GPC6: variants seen among roughly 807,000 people sequenced by gnomAD.
GPC6 encodes glypican-6.
In GPC6, 14 loss-of-function variants were observed where a neutral mutation model predicts 55.2. The ratio of observed to expected loss-of-function variants is 0.25; its 90% CI spans 0.17 to 0.40. The LOEUF is 0.40. Ranked by LOEUF, GPC6 falls within the 10% of genes least tolerant of loss-of-function variation. The pLI, the probability that GPC6 is intolerant of heterozygous loss-of-function variation, is 1.00. For synonymous variants in GPC6, 278 were observed against 259.6 expected (o/e 1.07, Z -0.68); for missense variants, 641 against 708.5 (o/e 0.90, Z 1.08).
At chr13:94,264,995 T>G (rs1303059300) in intron 4 of GPC6, among the ~76,000 whole-genome samples, 11 of 152,234 alleles carry the variant, frequency 7.2e-5, no homozygotes, top group Non-Finnish European at 1.5e-4. Context: ...CTCCCATGTT[T>G]CAGTTATCTC....
chr13:93,977,561 T>G (rs1423880180), intron 3 of GPC6, among the ~76,000 whole-genome samples: 1 of 151,780 alleles, frequency 6.6e-6, no homozygotes, highest in African/African-American at 2.4e-5. Context: ...GTGCTGATTT[T>G]TTTCCTTTTG....
chr13:93,246,796 A>G (rs1278245670), intron 1 of GPC6, among the ~76,000 whole-genome samples: 76 of 129,722 alleles, frequency 5.9e-4, no homozygotes, highest in Non-Finnish European at 1.0e-3. Flanking sequence ...TCTCAAAAAA[A>G]AAAAAAAAAA....
intron 1 of GPC6, among the ~76,000 whole-genome samples, chr13:93,237,144 A>G (rs1363415707): frequency 2.0e-5 from 3 of 152,176 alleles, no homozygotes; most frequent in Non-Finnish European, 4.4e-5. Context: ...AGAAATTTCC[A>G]TGCTGTTTTC....
At chr13:93,395,738 G>C (rs1020833831) in intron 1 of GPC6, 1 of 153,268 alleles carries the variant, frequency 6.5e-6, no homozygotes, top group Non-Finnish European at 1.5e-5. Context: ...GTTCCCCATT[G>C]CTCCTGAATG....
At chr13:94,093,611 G>A (rs1047257518) in intron 4 of GPC6, among the ~76,000 whole-genome samples, 1 of 151,934 alleles carries the variant, frequency 6.6e-6, no homozygotes, top group Admixed American at 6.6e-5. Flanking sequence ...ATAAATTTTA[G>A]GATTGTCTTT....
intron 2 of GPC6, among the ~76,000 whole-genome samples, chr13:93,743,116 G>A (rs1361695753): frequency 2.6e-5 from 4 of 152,202 alleles, no homozygotes; most frequent in Non-Finnish European, 5.9e-5. Context: ...TAACTTCCAA[G>A]AGTCTATCAT....
chr13:94,346,719 CAAAAAA>C (rs35478457), intron 6 of GPC6, among the ~76,000 whole-genome samples: 3 of 114,114 alleles, frequency 2.6e-5, no homozygotes, highest in African/African-American at 6.6e-5. Context: ...AGACTCCTCT[CAAAAAA>C]AAAAAAAAAA....
intron 1 of GPC6, among the ~76,000 whole-genome samples, chr13:93,308,551 C>G (rs1324302596): frequency 6.6e-6 from 1 of 152,164 alleles, no homozygotes; most frequent in Non-Finnish European, 1.5e-5. Flanking sequence ...AAGCAATTCT[C>G]CTGCCTCAGC....
chr13:93,585,658 T>C (rs1057388016), intron 2 of GPC6, among the ~76,000 whole-genome samples: 1 of 152,222 alleles, frequency 6.6e-6, no homozygotes, highest in Non-Finnish European at 1.5e-5. Context: ...AAGAAACATA[T>C]GTGCATCCAT....
At chr13:94,366,999 A>C (rs1169564689) in intron 6 of GPC6, among the ~76,000 whole-genome samples, 1 of 152,226 alleles carries the variant, frequency 6.6e-6, no homozygotes, top group Admixed American at 6.5e-5. Context: ...CTATGTGCTC[A>C]AGCCCTGTTC....
intron 3 of GPC6, among the ~76,000 whole-genome samples, chr13:93,914,070 C>CT (rs966699579): frequency 1.4e-4 from 22 of 152,084 alleles, no homozygotes; most frequent in Middle Eastern, 3.4e-3. Flanking sequence ...TCATAAGCTC[C>CT]TTTTTTTTAT....
chr13:93,371,495 T>C (rs993247226), intron 1 of GPC6, among the ~76,000 whole-genome samples: 19 of 152,224 alleles, frequency 1.2e-4, no homozygotes, highest in African/African-American at 4.6e-4. Flanking sequence ...CATTTTTGTT[T>C]AGAGTTTCTT....
intron 1 of GPC6, among the ~76,000 whole-genome samples, chr13:93,490,411 A>G (rs148574381): frequency 2.1e-3 from 315 of 149,380 alleles, no homozygotes; most frequent in African/African-American, 7.4e-3. Flanking sequence ...ACTTACATAT[A>G]CACACTATTT....
At chr13:93,845,128 G>A (rs939316067) in intron 3 of GPC6, among the ~76,000 whole-genome samples, 1 of 151,952 alleles carries the variant, frequency 6.6e-6, no homozygotes, top group Non-Finnish European at 1.5e-5. Context: ...GGCGATGCGG[G>A]CTCTTTTTTG....
intron 4 of GPC6, among the ~76,000 whole-genome samples, chr13:94,090,156 A>G (rs981948168): frequency 8.5e-5 from 13 of 152,114 alleles, no homozygotes; most frequent in Non-Finnish European, 1.6e-4. Context: ...GCAAAGGAGG[A>G]GCAAAGGCAT....
chr13:93,243,858 G>A (rs1344761176), intron 1 of GPC6, among the ~76,000 whole-genome samples: 4 of 152,156 alleles, frequency 2.6e-5, no homozygotes, highest in Non-Finnish European at 5.9e-5. Context: ...CGGGCCAGGA[G>A]GTAGCGCTTG....
chr13:93,228,407 GGGATTC>G (rs929497528), intron 1 of GPC6, among the ~76,000 whole-genome samples: 5 of 152,208 alleles, frequency 3.3e-5, no homozygotes, highest in African/African-American at 1.2e-4. Context: ...GGCTCAGCTG[GGGATTC>G]GGGTCCGGGT....
chr13:93,663,214 T>G (rs1880997309), intron 2 of GPC6, among the ~76,000 whole-genome samples: 1 of 152,188 alleles, frequency 6.6e-6, no homozygotes, highest in Non-Finnish European at 1.5e-5. Flanking sequence ...CCTGATAAGT[T>G]TTATAAAGTA....
At chr13:93,440,576 G>C (rs1877750449) in intron 1 of GPC6, among the ~76,000 whole-genome samples, 1 of 152,134 alleles carries the variant, frequency 6.6e-6, no homozygotes, top group Non-Finnish European at 1.5e-5. Context: ...CTGGCTTGTG[G>C]AGCTTCCAGT....
Sources: allele counts gnomAD v4.1 joint callset (sites outside exome capture counted in the v4.1 genomes callset), GRCh38; gene constraint gnomAD v4.1.1; transcripts MANE v1.5; gene names NCBI Gene and HGNC (gene_info 2026-07-23, HGNC 2026-07-21).